The following COMMD1 variants were observed in gnomAD, a reference collection of about 807,000 sequenced individuals.
COMMD1 encodes COMM domain-containing protein 1.
A neutral mutation model predicts 17.2 loss-of-function variants in COMMD1; 10 were observed. The observed-to-expected ratio is 0.58, with a 90% confidence interval of 0.36 to 0.99. The LOEUF (loss-of-function observed/expected upper bound fraction) is 0.99, where lower values mean the gene tolerates loss of function less well. Ranked by LOEUF, COMMD1 falls within the 50% of genes least tolerant of loss-of-function variation. COMMD1 has a pLI of 0.01. For synonymous variants in COMMD1, 97 were observed against 91.6 expected (o/e 1.06, Z -0.34); for missense variants, 270 against 231.8 (o/e 1.17, Z -1.07).
rs151211997 is a variant in COMMD1, at chr2:62,096,058, C to G, written c.463-39773C>G. ...AGATTCCATATTCAAAAGTTTGTATCACAATATATGGAAAAGAGTTAAGTA... is the reference window on the plus strand; with the variant it reads ...AGATTCCATATTCAAAAGTTTGTATGACAATATATGGAAAAGAGTTAAGTA... On this transcript the variant is annotated intron_variant, in intron 2 of 2. Coordinates refer to ENST00000311832, the MANE Select transcript of COMMD1 (RefSeq NM_152516.4). Among the ~76,000 whole-genome samples, 822 of 151,574 alleles carry G rather than the reference C, an allele frequency of 5.4e-3. 5 individuals carry two copies. Among genetic ancestry groups the G allele is most frequent in the Non-Finnish European group, 9.6e-3 (653 of 67,852 alleles).
intron 2 of COMMD1, among the ~76,000 whole-genome samples, chr2:62,062,992 G>A (rs1558582792): frequency 6.6e-6 from 1 of 152,050 alleles, no homozygotes; most frequent in African/African-American, 2.4e-5. Context: ...GCCGAGGCGG[G>A]TGGATAATGA....
chr2:61,996,605 A>G (rs1436297939), intron 1 of COMMD1, among the ~76,000 whole-genome samples: 3 of 152,156 alleles, frequency 2.0e-5, no homozygotes, highest in Admixed American at 6.6e-5. Context: ...TGCTTTATCA[A>G]CTAAGTTTCT....
chr2:61,942,261 G>A (rs1394334786), intron 1 of COMMD1, among the ~76,000 whole-genome samples: 4 of 151,920 alleles, frequency 2.6e-5, no homozygotes, highest in African/African-American at 9.7e-5. Context: ...GCGCCACCAC[G>A]GCCAGCTAAT....
chr2:61,964,453 A>T, intron 1 of COMMD1, among the ~76,000 whole-genome samples: 1 of 152,200 alleles, frequency 6.6e-6, no homozygotes, highest in Non-Finnish European at 1.5e-5. Flanking sequence ...GGCTTAAGCA[A>T]TCCGCCCCAT....
intron 1 of COMMD1, among the ~76,000 whole-genome samples, chr2:61,932,985 A>G (rs1261338559): frequency 3.9e-5 from 6 of 152,264 alleles, no homozygotes; most frequent in African/African-American, 1.4e-4. Context: ...GCATCTGGGA[A>G]GAATCAGGTC....
intron 1 of COMMD1, among the ~76,000 whole-genome samples, chr2:61,895,534 A>G (rs1201792946): frequency 6.6e-6 from 1 of 152,176 alleles, no homozygotes; most frequent in Non-Finnish European, 1.5e-5. Flanking sequence ...AAGGCCCACC[A>G]ACATCAGTTT....
intron 1 of COMMD1, among the ~76,000 whole-genome samples, chr2:61,930,323 C>T (rs553912952): frequency 3.9e-5 from 6 of 151,928 alleles, no homozygotes; most frequent in Non-Finnish European, 5.9e-5. Flanking sequence ...TTTGGGAGGC[C>T]GAGGCAGGCG....
chr2:61,994,877 G>T (rs928835224), intron 1 of COMMD1, among the ~76,000 whole-genome samples: 3 of 152,058 alleles, frequency 2.0e-5, no homozygotes, highest in Non-Finnish European at 4.4e-5. Context: ...CAGTCAGTGC[G>T]CCCAGAGAAA....
chr2:62,096,813 A>G (rs1044157009), intron 2 of COMMD1, among the ~76,000 whole-genome samples: 2 of 152,372 alleles, frequency 1.3e-5, no homozygotes, highest in African/African-American at 4.8e-5. Flanking sequence ...AAGCCATTGT[A>G]ATAGGTGGAC....
chr2:62,019,127 C>CCCTCCCTTCCTTCCTT (rs1669541538), intron 2 of COMMD1, among the ~76,000 whole-genome samples: 1 of 121,528 alleles, frequency 8.2e-6, no homozygotes, highest in Non-Finnish European at 1.6e-5. Context: ...CTCCCTCCCT[C>CCCTCCCTTCCTTCCTT]CCTCCCTTCC....
At chr2:61,892,116 C>G (rs568277525) in intron 1 of COMMD1, among the ~76,000 whole-genome samples, 85 of 152,054 alleles carry the variant, frequency 5.6e-4, no homozygotes, top group African/African-American at 2.0e-3. Flanking sequence ...AAGGCATGAG[C>G]CACCATGCCC....
At chr2:62,086,634 CTT>C (rs775993874) in intron 2 of COMMD1, among the ~76,000 whole-genome samples, 1 of 151,912 alleles carries the variant, frequency 6.6e-6, no homozygotes, top group Non-Finnish European at 1.5e-5. Context: ...ATATTTAAGA[CTT>C]TACAAAAAAC....
At chr2:61,968,945 CTTTT>C (rs57247770) in intron 1 of COMMD1, 469 of 213,302 alleles carry the variant, frequency 2.2e-3, no homozygotes, top group South Asian at 4.5e-3. Flanking sequence ...TTTATTTAGT[CTTTT>C]TTTTTTTTTT....
intron 1 of COMMD1, among the ~76,000 whole-genome samples, chr2:61,988,930 G>A (rs1329299542): frequency 6.6e-6 from 1 of 152,176 alleles, no homozygotes; most frequent in African/African-American, 2.4e-5. Context: ...GCAGCACCAA[G>A]TTCCAATGTA....
chr2:62,012,019 A>C (rs927439421), intron 2 of COMMD1, among the ~76,000 whole-genome samples: 1 of 152,080 alleles, frequency 6.6e-6, no homozygotes, highest in Non-Finnish European at 1.5e-5. Flanking sequence ...AGGCTGAGGT[A>C]GGTGGATCAT....
intron 1 of COMMD1, among the ~76,000 whole-genome samples, chr2:61,921,326 C>T (rs919563485): frequency 2.0e-5 from 3 of 152,010 alleles, no homozygotes; most frequent in African/African-American, 7.2e-5. Flanking sequence ...CATTTGTAAC[C>T]ATTTAAAATG....
chr2:62,017,349 A>G (rs1438152433), intron 2 of COMMD1, among the ~76,000 whole-genome samples: 4 of 152,144 alleles, frequency 2.6e-5, no homozygotes, highest in Non-Finnish European at 5.9e-5. Context: ...TCTTAGTCTA[A>G]AGAAAACAGC....
chr2:62,103,677 C>T (rs1013829320), intron 2 of COMMD1, among the ~76,000 whole-genome samples: 1 of 152,124 alleles, frequency 6.6e-6, no homozygotes, highest in Non-Finnish European at 1.5e-5. Context: ...TTTATACTAC[C>T]CCTAAAAAAT....
At chr2:61,983,630 A>G (rs1336267326) in intron 1 of COMMD1, among the ~76,000 whole-genome samples, 1 of 152,158 alleles carries the variant, frequency 6.6e-6, no homozygotes, top group Non-Finnish European at 1.5e-5. Flanking sequence ...GTTTGTTGGC[A>G]TATAGTTGTT....
Sources: gnomAD v4.1 joint callset for allele counts (sites outside exome capture counted in the v4.1 genomes callset) on GRCh38, gnomAD v4.1.1 for gene constraint, MANE v1.5 for transcripts, NCBI Gene and HGNC (gene_info 2026-07-23, HGNC 2026-07-21) for gene names.